Variants in EPB41L3 observed in about 807,000 individuals in gnomAD.
EPB41L3 encodes the protein erythrocyte membrane protein band 4.1 like 3.
In EPB41L3, 57 loss-of-function variants were observed where a neutral mutation model predicts 127.1. The ratio of observed to expected loss-of-function variants is 0.45; its 90% CI spans 0.36 to 0.56. EPB41L3 has a LOEUF of 0.56. EPB41L3 is among the 20% of genes least tolerant of loss of function. The pLI is 0.00. For missense variants in EPB41L3, 1,273 were observed against 1,372.2 expected, an observed-to-expected ratio of 0.93 and a Z score of 1.14; for synonymous variants, 572 against 549.5, an observed-to-expected ratio of 1.04 and a Z score of -0.57.
chr18:5,601,939 C>T (rs1280842625), intron 3 of EPB41L3, among the ~76,000 whole-genome samples: 2 of 151,998 alleles, frequency 1.3e-5, no homozygotes, highest in African/African-American at 4.8e-5. Context: ...TCTTTGATGA[C>T]GGAGGTGATT....
chr18:5,412,668 G>C (rs1049772567), intron 13 of EPB41L3, among the ~76,000 whole-genome samples: 4 of 151,988 alleles, frequency 2.6e-5, no homozygotes, highest in Admixed American at 2.0e-4. Context: ...TAGCATTAGG[G>C]GACAGTGGTC....
chr18:5,619,809 G>A (rs2094840235), intron 1 of EPB41L3, among the ~76,000 whole-genome samples: 1 of 152,086 alleles, frequency 6.6e-6, no homozygotes, highest in Non-Finnish European at 1.5e-5. Flanking sequence ...GAACCTCTTT[G>A]AATTCATCCA....
intron 1 of EPB41L3, among the ~76,000 whole-genome samples, chr18:5,622,977 T>TA (rs398031897): frequency 6.7e-6 from 1 of 149,618 alleles, no homozygotes; most frequent in Non-Finnish European, 1.5e-5. Flanking sequence ...TTTTTTTTTT[T>TA]AGCTATCAGA....
At chr18:5,501,740 ATG>A (rs1185945384) in intron 1 of EPB41L3, among the ~76,000 whole-genome samples, 2 of 152,162 alleles carry the variant, frequency 1.3e-5, no homozygotes, top group African/African-American at 4.8e-5. Context: ...TTCAATACAA[ATG>A]TGAGGCCAAG....
chr18:5,620,942 T>C (rs1203746701), intron 1 of EPB41L3, among the ~76,000 whole-genome samples: 1 of 152,140 alleles, frequency 6.6e-6, no homozygotes, highest in African/African-American at 2.4e-5. Context: ...TGGTTCCCCA[T>C]TGCCTATTTG....
chr18:5,408,256 A>AT (rs2075732979), intron 14 of EPB41L3, among the ~76,000 whole-genome samples: 1 of 139,678 alleles, frequency 7.2e-6, no homozygotes, highest in South Asian at 2.3e-4. Context: ...TGAGACCTTG[A>AT]TTTTCTTTTC....
intron 14 of EPB41L3, among the ~76,000 whole-genome samples, chr18:5,409,891 CCA>C (rs1333592399): frequency 1.3e-5 from 2 of 151,672 alleles, no homozygotes; most frequent in Admixed American, 6.6e-5. Flanking sequence ...ACAATATAAG[CCA>C]CACACACACA....
At chr18:5,590,523 C>A (rs1200027269) in intron 3 of EPB41L3, among the ~76,000 whole-genome samples, 1 of 152,000 alleles carries the variant, frequency 6.6e-6, no homozygotes. Flanking sequence ...ACCCAGCAAT[C>A]CTATACTCCT....
chr18:5,627,182 T>C (rs1462270863), intron 1 of EPB41L3, among the ~76,000 whole-genome samples: 1 of 152,160 alleles, frequency 6.6e-6, no homozygotes, highest in East Asian at 1.9e-4. Context: ...GCGAGGTCAC[T>C]TTGCTGAGAT....
At chr18:5,444,549 T>C (rs181611448) in intron 4 of EPB41L3, among the ~76,000 whole-genome samples, 106 of 152,318 alleles carry the variant, frequency 7.0e-4, no homozygotes, top group Middle Eastern at 3.4e-3. Context: ...ATTAAGGAGA[T>C]ACAGCCCTGA....
At position 5,398,126 on chromosome 18, in the gene EPB41L3, C is replaced by T. The variant is rs1444254398; in HGVS notation, c.2367G>A (p.Gly789=). ...TTTCAGAGCCATCCATGAGCTTTTC[C>T]CCAGAAGACTGCTTAGTCTGAGTGA... ...LVPEETKQSS[G]EKLMDGSEIF... is the part of the protein sequence containing the mutation. The change falls in exon 17 of 23, where the codon GGG becomes GGA. Residue 789 remains glycine, a synonymous_variant. Coordinates refer to ENST00000341928, the MANE Select transcript of EPB41L3 (RefSeq NM_012307.5). 1 of 1,614,024 alleles carries T rather than the reference C, an allele frequency of 6.2e-7. No individual in the cohort carries two copies. The highest frequency in any genetic ancestry group is 1.7e-5 in the Admixed American group (1 of 60,010).
chr18:5,395,492 G>A (rs1029671755), intron 20 of EPB41L3, 117 bp downstream of exon 20: 20 of 908,422 alleles, frequency 2.2e-5, no homozygotes, highest in African/African-American at 1.5e-4. Context: ...CTATCCCGGC[G>A]TCCTGAGCTT....
intron 1 of EPB41L3, among the ~76,000 whole-genome samples, chr18:5,528,394 T>TA (rs1221036974): frequency 6.6e-6 from 1 of 152,076 alleles, no homozygotes. Context: ...CAAGCTGGTC[T>TA]CAAACTCCTG....
At chr18:5,502,701 A>G in intron 1 of EPB41L3, among the ~76,000 whole-genome samples, 1 of 152,200 alleles carries the variant, frequency 6.6e-6, no homozygotes, top group East Asian at 1.9e-4. Flanking sequence ...TGGTCCCAAC[A>G]CATTTTCCCA....
chr18:5,582,375 G>C (rs1044352116), intron 3 of EPB41L3, among the ~76,000 whole-genome samples: 3 of 152,230 alleles, frequency 2.0e-5, no homozygotes, highest in East Asian at 1.9e-4. Flanking sequence ...AAGATGGGGT[G>C]GGGGGAGGAC....
Position 5,416,222 on chromosome 18 carries a change from C to T in EPB41L3, c.1663G>A (p.Ala555Thr), listed in dbSNP as rs9966357. Residue 555 changes from alanine (A) to threonine (T), a missense_variant, in exon 13 of 23, where the codon GCC (alanine) becomes ACC (threonine). By Grantham distance (58) the Ala-to-Thr change is moderately conservative. Transcript: ENST00000341928. ...CTCCCTGGGCCATCAGAGTCCAAGG[C>T]GGGCTCTCCAGGCAGGTGCTCAGCT... ...SRAEHLPGEP[A>T]LDSDGPGRPY... 54,490 of 1,614,086 alleles carry T rather than the reference C, an allele frequency of 0.034. 1,286 individuals are homozygous for T. Among genetic ancestry groups the T allele is most frequent in the African/African-American group, 0.11 (8,419 of 74,986 alleles).
At chr18:5,474,056 C>A (rs2086676635) in intron 3 of EPB41L3, among the ~76,000 whole-genome samples, 1 of 151,856 alleles carries the variant, frequency 6.6e-6, no homozygotes, top group African/African-American at 2.4e-5. Context: ...GTGGTGAAAC[C>A]CTGTCTCTAC....
chr18:5,499,610 C>CA (rs954404242), intron 1 of EPB41L3, among the ~76,000 whole-genome samples: 2 of 151,510 alleles, frequency 1.3e-5, no homozygotes, highest in East Asian at 3.9e-4. Flanking sequence ...AAAAAAAATA[C>CA]AAAAAAATTA....
intron 3 of EPB41L3, among the ~76,000 whole-genome samples, chr18:5,571,693 T>G (rs995083141): frequency 6.6e-6 from 1 of 152,250 alleles, no homozygotes; most frequent in African/African-American, 2.4e-5. Flanking sequence ...TTGATCCTCC[T>G]TCATTTCATC....
Sources: gnomAD v4.1 joint callset for allele counts (sites outside exome capture counted in the v4.1 genomes callset) on GRCh38, gnomAD v4.1.1 for gene constraint, MANE v1.5 for transcripts, NCBI Gene and HGNC (gene_info 2026-07-23, HGNC 2026-07-21) for gene names.